KCTD20: variants seen among roughly 807,000 people sequenced by gnomAD.
KCTD20 encodes potassium channel tetramerization domain containing 20.
In KCTD20, 30 loss-of-function variants were observed where a neutral mutation model predicts 39.6. The observed-to-expected ratio is 0.76, with a 90% CI of 0.57 to 1.03. The LOEUF is 1.03. KCTD20 is among the 50% of genes least tolerant of loss of function. The pLI, the probability that KCTD20 is intolerant of heterozygous loss-of-function variation, is 0.00. For synonymous variants in KCTD20, 162 were observed against 180.6 expected (o/e 0.90, Z 0.83); for missense variants, 422 against 522.0 (o/e 0.81, Z 1.87).
chr6:36,452,987 C>T (rs1370118664), intron 1 of KCTD20, among the ~76,000 whole-genome samples: 2 of 137,696 alleles, frequency 1.5e-5, no homozygotes, highest in Non-Finnish European at 3.1e-5. Flanking sequence ...TAGGGCTTAT[C>T]AGTTTTCTTA....
intron 7 of KCTD20, among the ~76,000 whole-genome samples, chr6:36,486,136 G>A (rs983907147): frequency 1.3e-5 from 2 of 152,004 alleles, no homozygotes; most frequent in Admixed American, 6.5e-5. Context: ...TTGAACTCCT[G>A]GACTCAAGCG....
chr6:36,478,726 T>C (rs1776147616), intron 3 of KCTD20, among the ~76,000 whole-genome samples: 1 of 152,132 alleles, frequency 6.6e-6, no homozygotes, highest in Admixed American at 6.6e-5. Context: ...AGATGCTGTC[T>C]TTCTGAGCTG....
intron 2 of KCTD20, among the ~76,000 whole-genome samples, chr6:36,471,850 C>CTTT (rs550731370): frequency 7.4e-6 from 1 of 135,362 alleles, no homozygotes; most frequent in Admixed American, 7.4e-5. Flanking sequence ...GTATCTATTT[C>CTTT]TTTTTTTTTT....
At chr6:36,456,774 G>A (rs1421071035) in intron 1 of KCTD20, among the ~76,000 whole-genome samples, 1 of 151,916 alleles carries the variant, frequency 6.6e-6, no homozygotes, top group Non-Finnish European at 1.5e-5. Flanking sequence ...TAAAGAGCCT[G>A]TGGAGCCTGT....
chr6:36,447,813 C>T (rs1341172512), intron 1 of KCTD20, among the ~76,000 whole-genome samples: 3 of 151,206 alleles, frequency 2.0e-5, no homozygotes, highest in East Asian at 1.9e-4. Flanking sequence ...CAACATGGCA[C>T]GACTCTGTCT....
chr6:36,482,552 C>T (rs1776283973), intron 6 of KCTD20, among the ~76,000 whole-genome samples: 2 of 151,936 alleles, frequency 1.3e-5, no homozygotes, highest in Non-Finnish European at 2.9e-5. Context: ...GACTCCATCT[C>T]AAAAAAACAA....
Position 36,443,060 on chromosome 6 carries a change from C to G in KCTD20, c.-98C>G, listed in dbSNP as rs552439273. The G allele has an allele frequency of 6.6e-6, 1 of 151,708 alleles. No individual in the cohort carries two copies. The highest frequency in any genetic ancestry group is 1.9e-4 in the East Asian group (1 of 5,152). The allele number at this position is 151,708 out of a possible 1,614,324, so 9.4% of individuals were successfully genotyped here. On this transcript the variant is annotated 5_prime_UTR_variant, in exon 1 of 8. Transcript: ENST00000373731. ...CTTCTGGCTGCGCGGCCTGCGCGCG[C>G]CTCCCGGGCGGATTCCAGCCCCGAG... is the stretch of plus-strand genomic sequence containing the variant.
intron 2 of KCTD20, among the ~76,000 whole-genome samples, chr6:36,471,935 G>T (rs1775922506): frequency 6.7e-6 from 1 of 150,362 alleles, no homozygotes; most frequent in African/African-American, 2.5e-5. Context: ...TGCAAGCTCC[G>T]CCTCCCGGGT....
At chr6:36,478,101 A>AAAAAAAG (rs112536319) in intron 3 of KCTD20, among the ~76,000 whole-genome samples, 4 of 145,698 alleles carry the variant, frequency 2.7e-5, no homozygotes, top group Admixed American at 7.0e-5. Context: ...TCTCAAAAAA[A>AAAAAAAG]AAAAGAAAAG....
intron 1 of KCTD20, among the ~76,000 whole-genome samples, chr6:36,444,220 G>A (rs1467893885): frequency 6.6e-6 from 1 of 152,072 alleles, no homozygotes; most frequent in South Asian, 2.1e-4. Flanking sequence ...GATGATCCAG[G>A]GACCGACCAC....
At chr6:36,466,903 A>G (rs917255366) in intron 1 of KCTD20, among the ~76,000 whole-genome samples, 1 of 152,104 alleles carries the variant, frequency 6.6e-6, no homozygotes, top group East Asian at 1.9e-4. Flanking sequence ...CTTAGGTTTC[A>G]TAAGTCAAGA....
chr6:36,457,023 C>A (rs1316923897), intron 1 of KCTD20, among the ~76,000 whole-genome samples: 1 of 152,114 alleles, frequency 6.6e-6, no homozygotes, highest in Non-Finnish European at 1.5e-5. Context: ...GCCTGGTACT[C>A]CTGGTCTCAA....
At chr6:36,484,964 G>T in intron 7 of KCTD20, 140 bp downstream of exon 7, 1 of 593,424 alleles carries the variant, frequency 1.7e-6, no homozygotes, top group Non-Finnish European at 3.1e-6. Flanking sequence ...GAATGTTCCT[G>T]TTTTTTCCTC....
At chr6:36,486,462 T>G (rs192171250) in intron 7 of KCTD20, among the ~76,000 whole-genome samples, 44 of 152,342 alleles carry the variant, frequency 2.9e-4, no homozygotes, top group African/African-American at 1.0e-3. Context: ...GTTTTTTCTT[T>G]AGGCTAAACA....
intron 1 of KCTD20, among the ~76,000 whole-genome samples, chr6:36,444,820 C>A (rs1774989727): frequency 6.6e-6 from 1 of 152,212 alleles, no homozygotes; most frequent in South Asian, 2.1e-4. Context: ...AACTCCACTG[C>A]TGCCAAAAGG....
intron 1 of KCTD20, among the ~76,000 whole-genome samples, chr6:36,451,875 G>C (rs1200921696): frequency 6.6e-6 from 1 of 152,080 alleles, no homozygotes; most frequent in African/African-American, 2.4e-5. Flanking sequence ...CAGTAGTGCA[G>C]TCTCAGCTCA....
chr6:36,479,740 C>T lies in KCTD20; in HGVS notation c.658+29C>T. 3 of 1,369,928 alleles carry T rather than the reference C, an allele frequency of 2.2e-6. No individual in the cohort carries two copies. The East Asian group carries it at 8.0e-5, about 37-fold the overall frequency. 84.9% of individuals were successfully genotyped at this position (1,369,928 alleles called of 1,614,324 possible). ...AGTACAGGAGCAGGTGCCAGCTGCACTTAAGCAGCTGAACTTTCAGTTTTC... is the reference window on the plus strand; with the variant it reads ...AGTACAGGAGCAGGTGCCAGCTGCATTTAAGCAGCTGAACTTTCAGTTTTC... On this transcript the variant is annotated intron_variant, in intron 5 of 7. Transcript: ENST00000373731.
At chr6:36,470,344 C>A in intron 2 of KCTD20, 87 bp downstream of exon 2, 1 of 1,254,998 alleles carries the variant, frequency 8.0e-7, no homozygotes, top group Non-Finnish European at 1.1e-6. Flanking sequence ...TGTTTTTAAT[C>A]TAAATAAATT....
intron 3 of KCTD20, 86 bp downstream of exon 3, chr6:36,475,148 T>A: frequency 7.0e-7 from 1 of 1,428,392 alleles, no homozygotes; most frequent in Non-Finnish European, 9.6e-7. Context: ...GATATAACAG[T>A]AAAAAGTATT....
Sources: gnomAD v4.1 joint callset for allele counts (sites outside exome capture counted in the v4.1 genomes callset) on GRCh38, gnomAD v4.1.1 for gene constraint, MANE v1.5 for transcripts, NCBI Gene and HGNC (gene_info 2026-07-23, HGNC 2026-07-21) for gene names.